PDE10A: variants seen among roughly 807,000 people sequenced by gnomAD.
PDE10A encodes the protein phosphodiesterase 10A, also known as cAMP and cAMP-inhibited cGMP 3',5'-cyclic phosphodiesterase 10A.
In PDE10A, 39 loss-of-function variants were observed where a neutral mutation model predicts 97.7. That is an observed-to-expected ratio of 0.40 (90% CI 0.31 to 0.52). The LOEUF is 0.52. Ranked by LOEUF, PDE10A falls within the 20% of genes least tolerant of loss-of-function variation. The pLI is 0.56. For synonymous variants in PDE10A, 371 were observed against 376.8 expected (o/e 0.98, Z 0.18); for missense variants, 731 against 1,047.8 (o/e 0.70, Z 4.17).
At chr6:165,981,666 C>G (rs1785020719) in intron 1 of PDE10A, among the ~76,000 whole-genome samples, 1 of 152,194 alleles carries the variant, frequency 6.6e-6, no homozygotes, top group South Asian at 2.1e-4. Flanking sequence ...TGGTTTGAAG[C>G]CAAAGAAACT....
chr6:165,327,880 CTG>C lies in PDE10A; in HGVS notation c.*5143_*5144del, dbSNP rs903484500. 3 of 152,298 alleles carry C rather than the reference CTG, an allele frequency of 2.0e-5. No homozygotes were observed. The highest frequency in any genetic ancestry group is 7.2e-5 in the African/African-American group (3 of 41,560). 9.4% of individuals were successfully genotyped at this position (152,298 alleles called of 1,614,324 possible). Reference sequence around the variant, plus strand: ...CATTGTATTTGTGATGGCATATAACCTGTGTTACTCTCCAGTAGTTTTTGGTC... The same window carrying C: ...CATTGTATTTGTGATGGCATATAACCTGTTACTCTCCAGTAGTTTTTGGTC... On this transcript the variant is annotated 3_prime_UTR_variant, in exon 22 of 22. Transcript: ENST00000539869.
chr6:165,488,549 T>C (rs1342666449), intron 2 of PDE10A, among the ~76,000 whole-genome samples: 1 of 152,142 alleles, frequency 6.6e-6, no homozygotes, highest in African/African-American at 2.4e-5. Context: ...GAACTTTTGC[T>C]CCAAGAACTA....
chr6:165,886,030 A>C (rs117082596), intron 1 of PDE10A, among the ~76,000 whole-genome samples: 6,376 of 152,350 alleles, frequency 0.042, 163 homozygotes, highest in South Asian at 0.11. Flanking sequence ...ACACTATGCC[A>C]AGAAAACTGT....
At position 165,977,075 on chromosome 6, in the gene PDE10A, A is replaced by C. The variant is rs191181434; in HGVS notation, c.-615+10454T>G. 3.9e-5 allele frequency among the ~76,000 whole-genome samples: 6 copies of C among 152,358 alleles called. No individual in the cohort carries two copies. The East Asian group carries it at 1.2e-3, about 29-fold the overall frequency. ...AACCTGTTACTTTAAGATGAGATTT[A>C]TCATTCTGTGGCAAGAGGGTGACAT... On this transcript the variant is annotated intron_variant, in intron 1 of 19. Coordinates refer to the PDE10A transcript ENST00000366882.
intron 1 of PDE10A, among the ~76,000 whole-genome samples, chr6:165,795,597 CAAAA>C (rs1186982980): frequency 6.6e-6 from 1 of 151,872 alleles, no homozygotes; most frequent in Non-Finnish European, 1.5e-5. Context: ...AACAAACAAA[CAAAA>C]AAACCAGCAG....
At chr6:165,566,184 A>G (rs1455408255) in intron 1 of PDE10A, among the ~76,000 whole-genome samples, 1 of 152,228 alleles carries the variant, frequency 6.6e-6, no homozygotes, top group Non-Finnish European at 1.5e-5. Context: ...AACACATATC[A>G]GATAAAGACT....
intron 18 of PDE10A, among the ~76,000 whole-genome samples, chr6:165,357,201 T>TA (rs1343134646): frequency 1.3e-5 from 2 of 152,186 alleles, no homozygotes; most frequent in African/African-American, 2.4e-5. Context: ...GCCAGTTTCC[T>TA]AATCCTGCAA....
upstream of PDE10A, among the ~76,000 whole-genome samples, chr6:165,667,798 G>C (rs76678853): frequency 6.6e-6 from 1 of 151,942 alleles, no homozygotes; most frequent in African/African-American, 2.4e-5. Context: ...TGAAGATACT[G>C]GTGTTAAAAA....
In PDE10A at chr6:165,434,926, G is replaced by C. The variant is rs528799250; in HGVS notation, c.1335+311C>G. Among the ~76,000 whole-genome samples the C allele has an allele frequency of 4.1e-4, 63 of 152,256 alleles. 1 individual carries two copies. The highest frequency in any genetic ancestry group is 1.5e-3 in the African/African-American group (63 of 41,554). On this transcript the variant is annotated intron_variant, in intron 6 of 21. Coordinates refer to ENST00000539869, the MANE Select transcript of PDE10A (RefSeq NM_001385079.1). ...ACAGCAATAGCTAACTCATTCATAT[G>C]CATCCCAGCAAAATATGAATCATAA... is the stretch of plus-strand genomic sequence containing the variant.
chr6:165,656,258 T>TCACACACACACA (rs3083000), intron 1 of PDE10A, among the ~76,000 whole-genome samples: 3 of 129,840 alleles, frequency 2.3e-5, no homozygotes, highest in African/African-American at 9.4e-5. Flanking sequence ...TCTCTCTCTC[T>TCACACACACACA]CACACACACA....
At chr6:165,403,719 C>T (rs1240320839) in intron 13 of PDE10A, among the ~76,000 whole-genome samples, 1 of 152,150 alleles carries the variant, frequency 6.6e-6, no homozygotes, top group African/African-American at 2.4e-5. Context: ...AATACATACT[C>T]CACATACATA....
At chr6:165,956,501 A>G (rs1784138397) in intron 1 of PDE10A, among the ~76,000 whole-genome samples, 1 of 152,234 alleles carries the variant, frequency 6.6e-6, no homozygotes, top group Non-Finnish European at 1.5e-5. Context: ...TAATACAGAA[A>G]TTCAACATGG....
rs77023591 is a variant in PDE10A, at chr6:165,518,390, C to T, written c.994+25050G>A. Among the ~76,000 whole-genome samples the T allele has an allele frequency of 6.4e-3, 975 of 152,214 alleles. 9 individuals are homozygous for T. Among genetic ancestry groups the T allele is most frequent in the African/African-American group, 0.023 (941 of 41,526 alleles). ...CATAATTTTAAATTCTCCACCATTC[C>T]GAGTAGTTATGATGAAATCTCACAC... On this transcript the variant is annotated intron_variant, in intron 2 of 21. Transcript: ENST00000539869.
chr6:165,419,306 T>C (rs2128230904), intron 10 of PDE10A, among the ~76,000 whole-genome samples: 1 of 152,380 alleles, frequency 6.6e-6, no homozygotes, highest in Admixed American at 6.5e-5. Context: ...TGAGTTTTAT[T>C]TGATGTACTG....
intron 18 of PDE10A, among the ~76,000 whole-genome samples, chr6:165,350,837 G>A: frequency 6.6e-6 from 1 of 152,114 alleles, no homozygotes; most frequent in East Asian, 1.9e-4. Context: ...CCCTCCTACT[G>A]CCATGTGAAG....
At chr6:165,718,245 C>T (rs1047479527) in intron 1 of PDE10A, 2 of 152,136 alleles carry the variant, frequency 1.3e-5, no homozygotes, top group African/African-American at 2.4e-5. Context: ...AAAAATGTGT[C>T]ATACTTCATG....
intron 1 of PDE10A, among the ~76,000 whole-genome samples, chr6:165,830,559 C>G (rs1049346593): frequency 2.6e-5 from 4 of 152,104 alleles, no homozygotes; most frequent in African/African-American, 4.8e-5. Context: ...CCTCCACCCC[C>G]ACAGGAGCAG....
intron 1 of PDE10A, among the ~76,000 whole-genome samples, chr6:165,752,556 G>A (rs1357291790): frequency 6.6e-6 from 1 of 152,184 alleles, no homozygotes; most frequent in Non-Finnish European, 1.5e-5. Flanking sequence ...GAATTATACA[G>A]TAATTCTTCT....
At chr6:165,936,308 G>A (rs1783326695) in intron 1 of PDE10A, among the ~76,000 whole-genome samples, 1 of 152,174 alleles carries the variant, frequency 6.6e-6, no homozygotes, top group African/African-American at 2.4e-5. Context: ...ATGAACCATG[G>A]AGAGAATGTG....
Sources: gnomAD v4.1 joint callset for allele counts (sites outside exome capture counted in the v4.1 genomes callset) on GRCh38, gnomAD v4.1.1 for gene constraint, MANE v1.5 for transcripts, NCBI Gene and HGNC (gene_info 2026-07-23, HGNC 2026-07-21) for gene names.